Variants in RAD50 observed in about 807,000 individuals in gnomAD.
RAD50 encodes DNA repair protein RAD50.
In RAD50, 132 loss-of-function variants were observed where a neutral mutation model predicts 168.8. The observed-to-expected ratio is 0.78, with a 90% CI of 0.68 to 0.90. The LOEUF (loss-of-function observed/expected upper bound fraction) is 0.90. Among genes scored for constraint, RAD50 ranks in the 40% least tolerant of loss-of-function variants. The pLI is 0.00. For missense variants in RAD50, 1,347 were observed against 1,534.4 expected, an observed-to-expected ratio of 0.88 and a Z score of 2.04; for synonymous variants, 525 against 497.4, an observed-to-expected ratio of 1.06 and a Z score of -0.74.
chr5:132,610,108 T>TA (rs1751059144), intron 19 of RAD50, among the ~76,000 whole-genome samples: 2 of 152,020 alleles, frequency 1.3e-5, no homozygotes, highest in South Asian at 4.1e-4. Context: ...TCACTTAACA[T>TA]AATTTGATTT....
chr5:132,587,599 T>A lies in RAD50; in HGVS notation c.794T>A (p.Ile265Lys). Residue 265 changes from isoleucine to lysine, a missense_variant, in exon 6 of 25, where the codon ATA becomes AAA. Around this residue, in one of 3 missense-constraint regions of RAD50, gnomAD observed 703 missense variants for 767.7 expected, o/e 0.92. Coordinates refer to ENST00000378823, the MANE Select transcript of RAD50 (RefSeq NM_005732.4). The stretch of plus-strand genomic sequence containing the variant: ...GAAATTGAACATAATCTCTCTAAAA[T>A]AATGAAACTTGACAATGAAATTAAA... ...LKEIEHNLSKIMKLDNEIKAL... is the reference protein window; with the variant it reads ...LKEIEHNLSKKMKLDNEIKAL... 1.2e-6 allele frequency: 2 copies of A among 1,613,548 alleles called. No individual in the cohort carries two copies. Among genetic ancestry groups the A allele is most frequent in the Non-Finnish European group, 1.7e-6 (2 of 1,179,774 alleles).
In RAD50 at chr5:132,587,957, T is replaced by G. The variant is rs1243130288; in HGVS notation, c.919T>G (p.Leu307Val). 1 of 1,613,252 alleles carries G rather than the reference T, an allele frequency of 6.2e-7. No homozygotes were observed. The highest frequency in any genetic ancestry group is 2.2e-5 in the East Asian group (1 of 44,762). The change falls in exon 7 of 25, where the codon TTA (leucine) becomes GTA (valine). Residue 307 changes from leucine (L) to valine (V), a missense_variant. By Grantham distance (32) the Leu-to-Val change is conservative (BLOSUM62 1). Transcript: ENST00000378823. ...AGGGACTGATGAGCAACTAAATGAC[T>G]TATATCACAATCACCAGAGAACAGT... ...FQGTDEQLND[L>V]YHNHQRTVRE...
intron 19 of RAD50, among the ~76,000 whole-genome samples, chr5:132,609,673 T>C (rs1375497869): frequency 6.6e-6 from 1 of 152,066 alleles, no homozygotes; most frequent in Admixed American, 6.5e-5. Context: ...TCCCAGCTAC[T>C]CGGGAAGCTG....
intron 13 of RAD50, among the ~76,000 whole-genome samples, chr5:132,600,878 C>T (rs1459561829): frequency 6.6e-6 from 1 of 152,080 alleles, no homozygotes; most frequent in Admixed American, 6.5e-5. Flanking sequence ...AATCATTGTG[C>T]ATTGTGTACA....
At chr5:132,565,056 C>T (rs1264679152) in intron 2 of RAD50, among the ~76,000 whole-genome samples, 1 of 152,034 alleles carries the variant, frequency 6.6e-6, no homozygotes, top group East Asian at 1.9e-4. Flanking sequence ...AGATTTCCCC[C>T]TTGCTGTTCT....
chr5:132,607,297 G>A (rs766034362), intron 16 of RAD50, among the ~76,000 whole-genome samples: 12 of 152,084 alleles, frequency 7.9e-5, no homozygotes, highest in Admixed American at 2.6e-4. Flanking sequence ...TATCTATGGC[G>A]GTCACTCTCA....
chr5:132,642,499 G>A lies in RAD50; in HGVS notation c.*135G>A. 5.8e-6 allele frequency: 5 copies of A among 857,992 alleles called. No homozygotes were observed. Among genetic ancestry groups the A allele is most frequent in the Non-Finnish European group, 8.8e-6 (5 of 565,570 alleles). The allele number at this position is 857,992 out of a possible 1,614,324, so 53.1% of individuals were successfully genotyped here. On this transcript the variant is annotated 3_prime_UTR_variant, in exon 25 of 25. Coordinates refer to ENST00000378823, the MANE Select transcript of RAD50 (RefSeq NM_005732.4). The stretch of plus-strand genomic sequence containing the variant: ...GAACATTGTGTCTAGGATTTTGGAT[G>A]TTGAGAGGTTCTAAAATCATGAAAC...
chr5:132,564,171 G>C (rs1750169052), intron 2 of RAD50, among the ~76,000 whole-genome samples: 1 of 152,186 alleles, frequency 6.6e-6, no homozygotes, highest in East Asian at 1.9e-4. Flanking sequence ...TTTGGAACTG[G>C]GTAATGGGTA....
At position 132,642,891 on chromosome 5, in the gene RAD50, G is replaced by C. The variant is rs956263225; in HGVS notation, c.*527G>C. The C allele has an allele frequency of 9.9e-6, 4 of 403,112 alleles. No homozygotes were observed. The highest frequency in any genetic ancestry group is 2.0e-5 in the Non-Finnish European group (4 of 197,398). 25.0% of individuals were successfully genotyped at this position (403,112 alleles called of 1,614,324 possible). On this transcript the variant is annotated 3_prime_UTR_variant, in exon 25 of 25. Coordinates refer to ENST00000378823, the MANE Select transcript of RAD50 (RefSeq NM_005732.4). ...CAGTGACCTCTCTCTCTGGGACTTG[G>C]TTTCCCCAACTAAAATTTGAAGTAG...
At chr5:132,624,582 A>C (rs1232676455) in intron 21 of RAD50, among the ~76,000 whole-genome samples, 10 of 152,184 alleles carry the variant, frequency 6.6e-5, no homozygotes, top group Non-Finnish European at 8.8e-5. Context: ...AAGAGACACA[A>C]ATCAAAACAG....
intron 19 of RAD50, among the ~76,000 whole-genome samples, chr5:132,613,152 G>A (rs934070963): frequency 1.3e-5 from 2 of 152,064 alleles, no homozygotes; most frequent in African/African-American, 4.8e-5. Context: ...TGTCATCTGA[G>A]TTGGATGATT....
intron 2 of RAD50, among the ~76,000 whole-genome samples, chr5:132,574,217 A>T (rs758752702): frequency 1.2e-4 from 19 of 152,220 alleles, no homozygotes; most frequent in Non-Finnish European, 2.4e-4. Flanking sequence ...CTGCCTGGGC[A>T]TCCAGGTGTT....
At chr5:132,564,446 A>G (rs564569246) in intron 2 of RAD50, among the ~76,000 whole-genome samples, 43 of 152,304 alleles carry the variant, frequency 2.8e-4, no homozygotes, top group Middle Eastern at 3.4e-3. Context: ...GAAAGAGATG[A>G]TTTAGAGTAT....
chr5:132,628,521 A>G (rs1172731397), intron 21 of RAD50, among the ~76,000 whole-genome samples: 1 of 152,126 alleles, frequency 6.6e-6, no homozygotes, highest in Non-Finnish European at 1.5e-5. Flanking sequence ...AAGCCCGGTC[A>G]AGTTGGGTGG....
chr5:132,608,955 A>G (rs1017901971), intron 17 of RAD50, among the ~76,000 whole-genome samples, 162 bp from the exon 18 acceptor site: 5 of 152,222 alleles, frequency 3.3e-5, no homozygotes, highest in Non-Finnish European at 5.9e-5. Flanking sequence ...TAATTAATCA[A>G]TTCCTATAGG....
rs1060501975 is a variant in RAD50 at position 132,559,340 on chromosome 5, A to C, written c.186A>C (p.Lys62Asn). The C allele has an allele frequency of 2.5e-6, 4 of 1,608,944 alleles. No individual in the cohort carries two copies. The change falls in exon 2 of 25, where the codon AAA becomes AAC. Residue 62 changes from lysine to asparagine, a missense_variant. Lys to Asn is a moderately conservative substitution (Grantham distance 94). Around this residue, in one of 3 missense-constraint regions of RAD50, gnomAD observed 703 missense variants for 767.7 expected, o/e 0.92. Coordinates refer to ENST00000378823, the MANE Select transcript of RAD50 (RefSeq NM_005732.4). The stretch of plus-strand genomic sequence containing the variant: ...CTGGAGATTTCCCTCCTGGAACCAA[A>C]GGAAATACATTTGTACACGATCCCA... ...ICTGDFPPGTKGNTFVHDPKV... is the reference protein window; with the variant it reads ...ICTGDFPPGTNGNTFVHDPKV...
chr5:132,581,773 G>A (rs529083119), intron 5 of RAD50, among the ~76,000 whole-genome samples: 39 of 152,302 alleles, frequency 2.6e-4, no homozygotes, highest in Admixed American at 1.4e-3. Flanking sequence ...ATAGACAGAA[G>A]AGTGGAAGAC....
At chr5:132,623,964 G>A (rs945270948) in intron 21 of RAD50, among the ~76,000 whole-genome samples, 2 of 152,204 alleles carry the variant, frequency 1.3e-5, no homozygotes, top group Non-Finnish European at 2.9e-5. Flanking sequence ...TAGGAAGTAC[G>A]TAATCATGTA....
intron 15 of RAD50, 139 bp from the exon 16 acceptor site, chr5:132,604,667 T>C (rs1750950148): frequency 4.2e-6 from 3 of 720,510 alleles, no homozygotes; most frequent in Admixed American, 2.3e-5. Context: ...AGGGTTCTCA[T>C]TGTATTTTTG....
Sources: allele counts gnomAD v4.1 joint callset (sites outside exome capture counted in the v4.1 genomes callset), GRCh38; gene constraint gnomAD v4.1.1; regional missense constraint gnomAD v4.1.1; transcripts MANE v1.5; gene names NCBI Gene and HGNC (gene_info 2026-07-23, HGNC 2026-07-21).